The following FLVCR2 variants were observed in gnomAD, a reference collection of about 807,000 sequenced individuals.
The protein encoded by FLVCR2 is FLVCR choline and putative heme transporter 2.
Under a neutral mutation model 48.9 loss-of-function variants are expected in FLVCR2, and 38 were observed. That is an observed-to-expected ratio of 0.78 (90% CI 0.60 to 1.02). FLVCR2 has a LOEUF of 1.02. Among genes scored for constraint, FLVCR2 ranks in the 50% least tolerant of loss-of-function variants. The pLI is 0.00. For synonymous variants in FLVCR2, 255 were observed against 257.0 expected (o/e 0.99, Z 0.07); for missense variants, 664 against 663.3 (o/e 1.00, Z -0.01).
At chr14:75,622,271 G>GA (rs1889787494) in intron 2 of FLVCR2, 51 bp downstream of exon 2, 1 of 1,572,186 alleles carries the variant, frequency 6.4e-7, no homozygotes, top group Non-Finnish European at 8.8e-7. Flanking sequence ...GGGGCAGGGA[G>GA]ATTCTGCTGA....
At chr14:75,606,390 G>A (rs992839684) in intron 1 of FLVCR2, among the ~76,000 whole-genome samples, 1 of 152,152 alleles carries the variant, frequency 6.6e-6, no homozygotes, top group African/African-American at 2.4e-5. Flanking sequence ...GCTGCCTTTT[G>A]AGCAATCTAG....
chr14:75,605,472 T>C, intron 1 of FLVCR2: 2 of 1,514,252 alleles, frequency 1.3e-6, no homozygotes, highest in Middle Eastern at 1.7e-4. Context: ...ACTTCTGCTT[T>C]CTGACTTGAT....
intron 5 of FLVCR2, 102 bp from the exon 6 acceptor site, chr14:75,639,250 T>C: frequency 2.5e-6 from 2 of 799,982 alleles, no homozygotes; most frequent in Non-Finnish European, 4.4e-6. Context: ...GCAGAGGGCT[T>C]GACATGCGGC....
Position 75,636,904 on chromosome 14 carries a change from G to T in FLVCR2, c.1124+1891G>T, listed in dbSNP as rs575568576. Reference sequence around the variant, plus strand: ...AAGCTATGGTTAAAGCTTCATCCTGGTGAGCTTGTGGGATCATCGGGCAAG... The same window carrying T: ...AAGCTATGGTTAAAGCTTCATCCTGTTGAGCTTGTGGGATCATCGGGCAAG... On this transcript the variant is annotated intron_variant, in intron 5 of 9. Transcript: ENST00000238667. 1.7e-3 allele frequency among the ~76,000 whole-genome samples: 253 copies of T among 152,344 alleles called. 1 individual carries two copies. The highest frequency in any genetic ancestry group is 5.8e-3 in the African/African-American group (240 of 41,570).
chr14:75,579,553 TCCTGGGCATGC>T lies in FLVCR2; in HGVS notation c.585_595del (p.Gly196ProfsTer10). 6.2e-7 allele frequency: 1 copy of T among 1,614,012 alleles called. No individual in the cohort carries two copies. The highest frequency in any genetic ancestry group is 8.5e-7 in the Non-Finnish European group (1 of 1,180,004). On this transcript the variant is annotated frameshift_variant, in exon 1 of 10. Coordinates refer to ENST00000238667, the MANE Select transcript of FLVCR2 (RefSeq NM_017791.3). LOFTEE classifies it high-confidence loss of function. The stretch of plus-strand genomic sequence containing the variant: ...ATCTGCTCTGTGGCCCAGGTTTTCA[TCCTGGGCATGC>T]CCTCCCGCATCGCTTCCGTCTGGTT...
intron 1 of FLVCR2, among the ~76,000 whole-genome samples, chr14:75,593,411 A>G (rs1888933750): frequency 6.6e-6 from 1 of 152,194 alleles, no homozygotes; most frequent in Non-Finnish European, 1.5e-5. Flanking sequence ...CTCATGCTAC[A>G]TTATAACATG....
intron 5 of FLVCR2, 61 bp downstream of exon 5, chr14:75,635,074 A>C: frequency 9.0e-7 from 1 of 1,105,818 alleles, no homozygotes; most frequent in South Asian, 1.3e-5. Context: ...TGACATATTC[A>C]TAAGCAGTGT....
chr14:75,605,540 A>C, intron 1 of FLVCR2: 1 of 1,535,926 alleles, frequency 6.5e-7, no homozygotes, highest in East Asian at 2.4e-5. Flanking sequence ...CTCTCACCCC[A>C]ACACAATTCA....
At chr14:75,594,450 CA>C (rs1313369629) in intron 1 of FLVCR2, among the ~76,000 whole-genome samples, 1 of 152,218 alleles carries the variant, frequency 6.6e-6, no homozygotes, top group East Asian at 1.9e-4. Context: ...TTCATGGTAT[CA>C]ATTTTCTGTC....
chr14:75,617,643 C>G (rs1889650253), intron 1 of FLVCR2, among the ~76,000 whole-genome samples: 1 of 152,094 alleles, frequency 6.6e-6, no homozygotes, highest in Non-Finnish European at 1.5e-5. Flanking sequence ...GATGTTAGAC[C>G]CCTCTTTCTG....
intron 3 of FLVCR2, among the ~76,000 whole-genome samples, chr14:75,627,262 C>T (rs1320477504): frequency 6.6e-6 from 1 of 151,126 alleles, no homozygotes; most frequent in Non-Finnish European, 1.5e-5. Context: ...AATAGGAAAG[C>T]ACTTCTTGAA....
At position 75,625,660 on chromosome 14, in the gene FLVCR2, T is replaced by C. The variant is rs983904059; in HGVS notation, c.952+908T>C. 2.6e-5 allele frequency among the ~76,000 whole-genome samples: 4 copies of C among 152,038 alleles called. 1 individual carries two copies. Among genetic ancestry groups the C allele is most frequent in the African/African-American group, 9.7e-5 (4 of 41,284 alleles). ...AAATCTGTGACATGTACCGTAACCATATGAAACAAAGAAATGAAATTGGTT... is the reference window on the plus strand; with the variant it reads ...AAATCTGTGACATGTACCGTAACCACATGAAACAAAGAAATGAAATTGGTT... On this transcript the variant is annotated intron_variant, in intron 3 of 9. Transcript: ENST00000238667.
At chr14:75,618,109 T>C (rs191667498) in intron 1 of FLVCR2, among the ~76,000 whole-genome samples, 1 of 152,232 alleles carries the variant, frequency 6.6e-6, no homozygotes, top group East Asian at 1.9e-4. Flanking sequence ...TACCTCTAAT[T>C]TAAAGCAAGG....
chr14:75,597,768 C>A (rs1172591807), intron 1 of FLVCR2, among the ~76,000 whole-genome samples: 1 of 152,070 alleles, frequency 6.6e-6, no homozygotes, highest in African/African-American at 2.4e-5. Flanking sequence ...TAGGGTTTCA[C>A]CATGTCGGCC....
intron 1 of FLVCR2, among the ~76,000 whole-genome samples, chr14:75,603,677 T>G (rs1889220057): frequency 6.6e-6 from 1 of 152,152 alleles, no homozygotes; most frequent in African/African-American, 2.4e-5. Flanking sequence ...GAGCGCAGTG[T>G]AACAAACACA....
At chr14:75,586,578 T>C (rs537560368) in intron 1 of FLVCR2, among the ~76,000 whole-genome samples, 2 of 152,296 alleles carry the variant, frequency 1.3e-5, no homozygotes, top group East Asian at 3.9e-4. Flanking sequence ...TTAGAAATTT[T>C]TCATTTAAAA....
rs1272182452 is a variant in FLVCR2 at position 75,578,661 on chromosome 14, T to C, written c.-312T>C. The stretch of plus-strand genomic sequence containing the variant: ...GAAGTGGCTGCGCAAGGAGAGAACT[T>C]TTCCTGCACAAGGAACGCCTCGTGG... On this transcript the variant is annotated 5_prime_UTR_variant, in exon 1 of 10. Coordinates refer to ENST00000238667, the MANE Select transcript of FLVCR2 (RefSeq NM_017791.3). 42 of 466,518 alleles carry C rather than the reference T, an allele frequency of 9.0e-5. No homozygotes were observed. In the East Asian group the frequency reaches 1.7e-3, roughly 19 times the overall value. 28.9% of individuals were successfully genotyped at this position (466,518 alleles called of 1,614,324 possible).
At chr14:75,646,327 C>T (rs1181609462) in intron 9 of FLVCR2, 74 bp from the exon 10 acceptor site, 9 of 1,016,352 alleles carry the variant, frequency 8.9e-6, no homozygotes. Context: ...TTAGTCATGG[C>T]CAGGCAGCTG....
At chr14:75,644,755 A>T (rs1385047385) in intron 9 of FLVCR2, among the ~76,000 whole-genome samples, 2 of 152,072 alleles carry the variant, frequency 1.3e-5, no homozygotes, top group Non-Finnish European at 2.9e-5. Flanking sequence ...TAACTCAGAG[A>T]CCTGTGGACA....
Sources: allele counts gnomAD v4.1 joint callset (sites outside exome capture counted in the v4.1 genomes callset), GRCh38; gene constraint gnomAD v4.1.1; transcripts MANE v1.5; gene names NCBI Gene and HGNC (gene_info 2026-07-23, HGNC 2026-07-21).